MTUS2: variants seen among roughly 807,000 people sequenced by gnomAD.
MTUS2 encodes microtubule associated scaffold protein 2, also known as microtubule-associated tumor suppressor candidate 2.
Under a neutral mutation model 114.1 loss-of-function variants are expected in MTUS2, and 40 were observed. The ratio of observed to expected loss-of-function variants is 0.35; its 90% CI spans 0.27 to 0.46. MTUS2 has a LOEUF of 0.46. Ranked by LOEUF, MTUS2 falls within the 20% of genes least tolerant of loss-of-function variation. The probability of loss-of-function intolerance (pLI) is 1.00; values close to 1 mark genes in which losing one functional copy is unlikely to be tolerated. For missense variants in MTUS2, 1,679 were observed against 1,705.4 expected, an observed-to-expected ratio of 0.98 and a Z score of 0.27; for synonymous variants, 688 against 672.0, an observed-to-expected ratio of 1.02 and a Z score of -0.37.
intron 9 of MTUS2, among the ~76,000 whole-genome samples, chr13:29,451,027 T>C (rs1353008481): frequency 2.0e-5 from 3 of 152,154 alleles, no homozygotes; most frequent in Admixed American, 6.5e-5. Flanking sequence ...TGAGTAACAA[T>C]AGAAAAAGCA....
intron 6 of MTUS2, among the ~76,000 whole-genome samples, chr13:29,309,672 C>G (rs2139636840): frequency 6.6e-6 from 1 of 152,288 alleles, no homozygotes; most frequent in Non-Finnish European, 1.5e-5. Context: ...CACAAACATT[C>G]AGACCACATA....
chr13:29,092,290 T>C (rs1889990479), intron 4 of MTUS2, among the ~76,000 whole-genome samples: 1 of 152,220 alleles, frequency 6.6e-6, no homozygotes, highest in Non-Finnish European at 1.5e-5. Context: ...ATTGTTTTTT[T>C]ACACTGTCAT....
At chr13:29,162,969 T>A (rs907060375) in intron 5 of MTUS2, among the ~76,000 whole-genome samples, 3 of 151,478 alleles carry the variant, frequency 2.0e-5, no homozygotes, top group Non-Finnish European at 4.4e-5. Context: ...ACTCTGTGTC[T>A]TGTCTCTAAA....
Position 28,897,723 on chromosome 13 carries a change from T to TA in MTUS2, c.-243+57879dup, listed in dbSNP as rs1193948896. 7.9e-5 allele frequency among the ~76,000 whole-genome samples: 12 copies of TA among 152,010 alleles called. 1 individual carries two copies. Reference sequence around the variant, plus strand: ...TACACCATGGAATGCTATGCAGCCATAAAAAATGATGAGTTCATGTCCTTT... The same window carrying TA: ...TACACCATGGAATGCTATGCAGCCATAAAAAAATGATGAGTTCATGTCCTTT... On this transcript the variant is annotated intron_variant, in intron 2 of 15. Transcript: ENST00000612955.
chr13:29,126,922 T>C (rs927417794), intron 5 of MTUS2, among the ~76,000 whole-genome samples: 1 of 152,146 alleles, frequency 6.6e-6, no homozygotes, highest in South Asian at 2.1e-4. Flanking sequence ...AAAGAGAAAA[T>C]GCATGTAAAG....
At chr13:29,149,607 T>G (rs1249794978) in intron 5 of MTUS2, among the ~76,000 whole-genome samples, 1 of 152,218 alleles carries the variant, frequency 6.6e-6, no homozygotes, top group African/African-American at 2.4e-5. Flanking sequence ...GCCTATGTCC[T>G]GAATGGTATT....
chr13:28,948,376 G>A (rs969371914), intron 2 of MTUS2, among the ~76,000 whole-genome samples: 2 of 152,112 alleles, frequency 1.3e-5, no homozygotes, highest in East Asian at 1.9e-4. Context: ...GTTACAGGAG[G>A]CATTTATTGG....
chr13:29,323,279 T>C (rs2030690999), intron 6 of MTUS2, among the ~76,000 whole-genome samples: 1 of 151,354 alleles, frequency 6.6e-6, no homozygotes, highest in African/African-American at 2.4e-5. Flanking sequence ...AGACAGAGTA[T>C]CACTCTGTCT....
At chr13:29,395,440 T>C (rs532012594) in intron 8 of MTUS2, among the ~76,000 whole-genome samples, 1 of 152,258 alleles carries the variant, frequency 6.6e-6, no homozygotes, top group African/African-American at 2.4e-5. Context: ...GAAAGAGGAA[T>C]CAGAGACGTC....
chr13:29,204,664 G>C (rs1340673093), intron 5 of MTUS2, among the ~76,000 whole-genome samples: 1 of 152,208 alleles, frequency 6.6e-6, no homozygotes, highest in African/African-American at 2.4e-5. Flanking sequence ...CAGCACCCTG[G>C]CCTGGGGCCA....
chr13:28,874,083 A>G (rs943945914), intron 2 of MTUS2, among the ~76,000 whole-genome samples: 2 of 151,882 alleles, frequency 1.3e-5, no homozygotes, highest in Non-Finnish European at 2.9e-5. Flanking sequence ...CAGTGGTGCA[A>G]TCTCAGCTCA....
At chr13:29,078,991 G>T (rs908563994) in intron 4 of MTUS2, among the ~76,000 whole-genome samples, 1 of 152,198 alleles carries the variant, frequency 6.6e-6, no homozygotes, top group Non-Finnish European at 1.5e-5. Context: ...CCAAGAAACT[G>T]CCAGGCTGTT....
chr13:29,075,357 T>A (rs2138706310), intron 4 of MTUS2, among the ~76,000 whole-genome samples: 1 of 152,306 alleles, frequency 6.6e-6, no homozygotes, highest in Non-Finnish European at 1.5e-5. Flanking sequence ...CATCTGGACT[T>A]TTGATTCTGC....
chr13:29,255,647 A>T (rs528008081), intron 5 of MTUS2, among the ~76,000 whole-genome samples: 55 of 149,898 alleles, frequency 3.7e-4, no homozygotes, highest in Non-Finnish European at 1.2e-4. Context: ...GCACAGTTTC[A>T]TGGTTTGCTG....
chr13:29,100,774 A>G lies in MTUS2; in HGVS notation c.2448A>G (p.Ala816=). The change falls in exon 5 of 16, where the codon GCA becomes GCG. Residue 816 remains alanine (A), a splice_region_variant and synonymous_variant. Coordinates refer to ENST00000612955, the MANE Select transcript of MTUS2 (RefSeq NM_001033602.4). ...ATSLYSSDPS[A]DLKKASSSNA... The stretch of plus-strand genomic sequence containing the variant: ...TAATTTTATTTGGGTTCGTTTTAGC[A>G]GATTTAAAGAAAGCTTCCAGTTCAA... 3 of 1,551,202 alleles carry G rather than the reference A, an allele frequency of 1.9e-6. No individual in the cohort carries two copies. The highest frequency in any genetic ancestry group is 2.6e-6 in the Non-Finnish European group (3 of 1,146,938).
At chr13:29,325,032 T>C (rs1900421821) in intron 7 of MTUS2, among the ~76,000 whole-genome samples, 1 of 152,228 alleles carries the variant, frequency 6.6e-6, no homozygotes, top group Admixed American at 6.5e-5. Context: ...AATAATATTG[T>C]CTAAAAGGAA....
Position 29,496,877 on chromosome 13 carries a change from C to T in MTUS2, c.3580-361C>T, listed in dbSNP as rs185541546. Among the ~76,000 whole-genome samples, 10 of 152,256 alleles carry T rather than the reference C, an allele frequency of 6.6e-5. No individual in the cohort carries two copies. The East Asian group carries it at 1.4e-3, about 21-fold the overall frequency. On this transcript the variant is annotated intron_variant, in intron 12 of 15. Coordinates refer to ENST00000612955, the MANE Select transcript of MTUS2 (RefSeq NM_001033602.4). This position sits in a 1 kb window ranked among gnomAD's most constrained non-coding sequence, Gnocchi z 4.3. Reference sequence around the variant, plus strand: ...ATACATCTTTGAAATACATTCATCGCGGTCCTTCCCAAAGCCAGGGGCTAG... The same window carrying T: ...ATACATCTTTGAAATACATTCATCGTGGTCCTTCCCAAAGCCAGGGGCTAG...
chr13:29,022,140 G>T (rs1013122965), intron 2 of MTUS2, among the ~76,000 whole-genome samples: 3 of 152,120 alleles, frequency 2.0e-5, no homozygotes, highest in Admixed American at 6.5e-5. Flanking sequence ...TGTGTCTTGG[G>T]GTATGGGCTA....
At chr13:29,264,700 T>G (rs780204339) in intron 5 of MTUS2, among the ~76,000 whole-genome samples, 1 of 152,232 alleles carries the variant, frequency 6.6e-6, no homozygotes. Context: ...AGCAGCAGCC[T>G]GAGCTGTACC....
Sources: allele counts gnomAD v4.1 joint callset (sites outside exome capture counted in the v4.1 genomes callset), GRCh38; gene constraint gnomAD v4.1.1; non-coding constraint Gnocchi (gnomAD v3.1); transcripts MANE v1.5; gene names NCBI Gene and HGNC (gene_info 2026-07-23, HGNC 2026-07-21).